Variants in ZFHX3 observed in about 807,000 individuals in gnomAD.
ZFHX3 encodes zinc finger homeobox protein 3.
Under a neutral mutation model 279.1 loss-of-function variants are expected in ZFHX3, and 42 were observed. The observed-to-expected ratio is 0.15, with a 90% CI of 0.12 to 0.19. The LOEUF is 0.19. ZFHX3 is among the 10% of genes least tolerant of loss of function. The probability of loss-of-function intolerance (pLI) is 1.00; values close to 1 mark genes in which losing one functional copy is unlikely to be tolerated. For synonymous variants in ZFHX3, 2,293 were observed against 1,957.8 expected, an observed-to-expected ratio of 1.17 and a Z score of -4.52; for missense variants, 4,981 against 4,754.0, an observed-to-expected ratio of 1.05 and a Z score of -1.40.
chr16:73,095,493 T>C (rs2144782682), intron 7 of ZFHX3, among the ~76,000 whole-genome samples: 1 of 152,346 alleles, frequency 6.6e-6, no homozygotes, highest in Non-Finnish European at 1.5e-5. Context: ...TTTCGACAAC[T>C]GGCATGTTGC....
chr16:73,423,130 T>C (rs1008006421), intron 3 of ZFHX3, among the ~76,000 whole-genome samples: 2 of 152,148 alleles, frequency 1.3e-5, no homozygotes, highest in African/African-American at 4.8e-5. Context: ...AGTCCCATTC[T>C]GAGATACTGA....
chr16:73,151,419 G>A (rs991614327), intron 5 of ZFHX3, among the ~76,000 whole-genome samples: 4 of 152,114 alleles, frequency 2.6e-5, no homozygotes, highest in Admixed American at 2.0e-4. Context: ...ACAGCATTCT[G>A]TAGCAGGAAT....
chr16:73,583,203 A>C (rs567541310), intron 2 of ZFHX3, among the ~76,000 whole-genome samples: 40 of 152,270 alleles, frequency 2.6e-4, no homozygotes, highest in South Asian at 8.3e-4. Context: ...ATTCCTGTAC[A>C]TCCCTCTTCC....
intron 7 of ZFHX3, among the ~76,000 whole-genome samples, chr16:73,110,677 C>T (rs557007443): frequency 1.3e-5 from 2 of 152,076 alleles, no homozygotes; most frequent in African/African-American, 4.8e-5. Context: ...GATCCTCCCA[C>T]CCCTGCCTCC....
chr16:73,211,996 A>G (rs1006499462), intron 5 of ZFHX3, among the ~76,000 whole-genome samples: 1 of 152,168 alleles, frequency 6.6e-6, no homozygotes, highest in Non-Finnish European at 1.5e-5. Context: ...GAGAGGTTGA[A>G]AGTCACTGAT....
intron 1 of ZFHX3, among the ~76,000 whole-genome samples, chr16:73,039,866 A>T (rs1965047273): frequency 6.6e-6 from 1 of 152,150 alleles, no homozygotes; most frequent in Non-Finnish European, 1.5e-5. Flanking sequence ...ATCCAGGAGC[A>T]GGAGGGGACA....
intron 4 of ZFHX3, among the ~76,000 whole-genome samples, chr16:72,838,334 A>G (rs1256273304): frequency 1.2e-5 from 1 of 83,552 alleles, no homozygotes; most frequent in African/African-American, 5.0e-5. Context: ...GCAGCCTGGG[A>G]AGGGAGGGCC....
intron 2 of ZFHX3, among the ~76,000 whole-genome samples, chr16:73,573,079 T>C (rs2051758495): frequency 6.6e-6 from 1 of 152,198 alleles, no homozygotes; most frequent in Admixed American, 6.5e-5. Context: ...TGTATATTCA[T>C]ACAACACACC....
At chr16:73,059,842 A>G (rs190187530), upstream of ZFHX3, 90 of 152,288 alleles carry the variant, frequency 5.9e-4, no homozygotes, top group African/African-American at 2.1e-3. Flanking sequence ...ATAAGACGCA[A>G]TCGGTCTTCT....
At chr16:73,575,052 T>C (rs1344627349) in intron 2 of ZFHX3, among the ~76,000 whole-genome samples, 1 of 152,244 alleles carries the variant, frequency 6.6e-6, no homozygotes, top group East Asian at 1.9e-4. Flanking sequence ...GTGTGTTTGA[T>C]TAGTTTTTAA....
chr16:73,464,313 G>A (rs553640518), intron 2 of ZFHX3, among the ~76,000 whole-genome samples: 9 of 152,210 alleles, frequency 5.9e-5, no homozygotes, highest in Admixed American at 2.6e-4. Context: ...AATTTGTGCC[G>A]AGTGATTGCA....
At chr16:73,404,855 G>GA (rs2017327905) in intron 3 of ZFHX3, among the ~76,000 whole-genome samples, 1 of 152,154 alleles carries the variant, frequency 6.6e-6, no homozygotes, top group Non-Finnish European at 1.5e-5. Context: ...CCCATTCGAA[G>GA]CACTTTACAT....
intron 1 of ZFHX3, among the ~76,000 whole-genome samples, chr16:73,805,353 G>A (rs1960250573): frequency 6.6e-6 from 1 of 152,086 alleles, no homozygotes; most frequent in South Asian, 2.1e-4. Flanking sequence ...ATTTTTAGTA[G>A]AGATGGGGTT....
intron 5 of ZFHX3, among the ~76,000 whole-genome samples, chr16:72,813,186 A>G (rs2036512273): frequency 6.6e-6 from 1 of 152,228 alleles, no homozygotes; most frequent in Non-Finnish European, 1.5e-5. Flanking sequence ...TAAGAAAAAA[A>G]AAGTAATAAA....
intron 1 of ZFHX3, among the ~76,000 whole-genome samples, chr16:73,781,631 G>A (rs1032295699): frequency 3.3e-5 from 5 of 152,160 alleles, no homozygotes; most frequent in Non-Finnish European, 5.9e-5. Context: ...TTTCAGTATA[G>A]ATTATAGCCA....
intron 1 of ZFHX3, among the ~76,000 whole-genome samples, chr16:73,045,111 C>G (rs1285534583): frequency 6.6e-6 from 1 of 152,186 alleles, no homozygotes; most frequent in African/African-American, 2.4e-5. Context: ...TTTCCAGATT[C>G]TTACTGATAC....
In ZFHX3 at chr16:72,980,156, C is replaced by T. The variant is rs117411573; in HGVS notation, c.-49-19962G>A. ...TGGTGGTTTGCTGACGTCAGAGAGC[C>T]GGTCAGTGGCAGAGCTAGGACGAAG... On this transcript the variant is annotated intron_variant, in intron 1 of 9. Transcript: ENST00000268489. Among the ~76,000 whole-genome samples the T allele has an allele frequency of 3.8e-3, 584 of 152,258 alleles. 2 individuals are homozygous for T. Among genetic ancestry groups the T allele is most frequent in the Non-Finnish European group, 7.1e-3 (485 of 68,024 alleles).
chr16:73,634,894 G>C (rs1244229700), intron 2 of ZFHX3, among the ~76,000 whole-genome samples: 22 of 152,132 alleles, frequency 1.4e-4, no homozygotes, highest in Non-Finnish European at 1.5e-5. Context: ...GTGGTTGTGT[G>C]TGTGTGTGTA....
At chr16:73,146,379 G>A (rs866733535) in intron 5 of ZFHX3, among the ~76,000 whole-genome samples, 1 of 151,562 alleles carries the variant, frequency 6.6e-6, no homozygotes, top group African/African-American at 2.4e-5. Flanking sequence ...AGTGAGCCGA[G>A]ATCGAGCCAC....
Sources: gnomAD v4.1 joint callset for allele counts (sites outside exome capture counted in the v4.1 genomes callset) on GRCh38, gnomAD v4.1.1 for gene constraint, MANE v1.5 for transcripts, NCBI Gene and HGNC (gene_info 2026-07-23, HGNC 2026-07-21) for gene names.